FGFR1: variants seen among roughly 807,000 people sequenced by gnomAD.
FGFR1 encodes FGFR1/PLAG1 fusion.
Under a neutral mutation model 93.7 loss-of-function variants are expected in FGFR1, and 18 were observed. The observed-to-expected ratio is 0.19, with a 90% CI of 0.13 to 0.28. The LOEUF (loss-of-function observed/expected upper bound fraction) is 0.28, where lower values mean the gene tolerates loss of function less well. Among genes scored for constraint, FGFR1 ranks in the 10% least tolerant of loss-of-function variants. The probability of loss-of-function intolerance (pLI) is 1.00; values close to 1 mark genes in which losing one functional copy is unlikely to be tolerated. For missense variants in FGFR1, 731 were observed against 1,080.4 expected (o/e 0.68, Z 4.53); for synonymous variants, 448 against 429.3 (o/e 1.04, Z -0.54).
At chr8:38,446,826 T>C (rs1442383075) in intron 2 of FGFR1, among the ~76,000 whole-genome samples, 1 of 152,178 alleles carries the variant, frequency 6.6e-6, no homozygotes, top group Non-Finnish European at 1.5e-5. Context: ...ACATCCATAT[T>C]AGAAGCAATC....
chr8:38,451,337 G>C (rs1361939234), intron 2 of FGFR1, among the ~76,000 whole-genome samples: 3 of 151,326 alleles, frequency 2.0e-5, no homozygotes, highest in Non-Finnish European at 4.4e-5. Context: ...CTACAGGTCT[G>C]ATAGTGGAAC....
chr8:38,432,190 T>G (rs1823397534), intron 2 of FGFR1, among the ~76,000 whole-genome samples: 1 of 152,070 alleles, frequency 6.6e-6, no homozygotes, highest in Non-Finnish European at 1.5e-5. Flanking sequence ...AAAGGAACAC[T>G]GGCCCTGGTG....
At chr8:38,457,716 G>A (rs534508676) in intron 1 of FGFR1, among the ~76,000 whole-genome samples, 182 bp from the exon 2 acceptor site, 36 of 152,294 alleles carry the variant, frequency 2.4e-4, no homozygotes, top group African/African-American at 8.4e-4. Context: ...GCTGGGTGTG[G>A]TGGTGCACCC....
At chr8:38,467,540 A>C (rs1586833671) in intron 1 of FGFR1, 2 of 233,958 alleles carry the variant, frequency 8.5e-6, no homozygotes, top group Non-Finnish European at 1.7e-5. Flanking sequence ...AAAGACATGG[A>C]GTGGAATGCA....
rs56196259 is a variant in FGFR1 at position 38,442,192 on chromosome 8, G to A, written c.92-12244C>T. On this transcript the variant is annotated intron_variant, in intron 2 of 17. Coordinates refer to ENST00000447712, the MANE Select transcript of FGFR1 (RefSeq NM_023110.3). ...AGGATCTGGTAAGGACCACTTAGGTGGACTGTAAGTTGGGGGGATCTAAAC... is the reference window on the plus strand; with the variant it reads ...AGGATCTGGTAAGGACCACTTAGGTAGACTGTAAGTTGGGGGGATCTAAAC... 7.4e-3 allele frequency among the ~76,000 whole-genome samples: 1,121 copies of A among 152,248 alleles called. 17 individuals are homozygous for A. The highest frequency in any genetic ancestry group is 0.026 in the African/African-American group (1,066 of 41,522).
intron 2 of FGFR1, among the ~76,000 whole-genome samples, chr8:38,446,235 G>T (rs1829232373): frequency 6.9e-6 from 1 of 144,142 alleles, no homozygotes; most frequent in Non-Finnish European, 1.5e-5. Context: ...TTTTAAAGAG[G>T]AAGTCTTGCT....
chr8:38,460,214 A>G (rs1834052865), intron 1 of FGFR1, among the ~76,000 whole-genome samples: 1 of 152,158 alleles, frequency 6.6e-6, no homozygotes, highest in South Asian at 2.1e-4. Context: ...AGACCCTTGG[A>G]AGCAGACCAC....
Position 38,414,486 on chromosome 8 carries a change from G to A in FGFR1, c.2048+73C>T, listed in dbSNP as rs189541149. The A allele has an allele frequency of 6.4e-6, 10 of 1,570,784 alleles. No individual in the cohort carries two copies. The East Asian group carries it at 2.0e-4, about 32-fold the overall frequency. On this transcript the variant is annotated intron_variant, in intron 15 of 17. Coordinates refer to ENST00000447712, the MANE Select transcript of FGFR1 (RefSeq NM_023110.3). ...CAGAAAGAGGACTCCTCAGTCCAGG[G>A]AGAAAGCAGGACTCTACAGTGCTAG...
chr8:38,428,653 C>G (rs1035858486), intron 3 of FGFR1: 4 of 579,148 alleles, frequency 6.9e-6, no homozygotes, highest in African/African-American at 3.7e-5. Flanking sequence ...TGCCTGGAAG[C>G]CTTCACACTG....
At position 38,413,526 on chromosome 8, in the gene FGFR1, A is replaced by G; in HGVS notation, c.*102T>C. The stretch of plus-strand genomic sequence containing the variant: ...CCCTGGTAGGCAGCCGGCTCCTGCC[A>G]GCAGGAAAGGGGACAGGGACGGACA... On this transcript the variant is annotated 3_prime_UTR_variant, in exon 18 of 18. Coordinates refer to ENST00000447712, the MANE Select transcript of FGFR1 (RefSeq NM_023110.3). The surrounding 1 kb of genome is among the most constrained non-coding windows in gnomAD (Gnocchi z 4.2). 1.5e-6 allele frequency: 2 copies of G among 1,335,842 alleles called. No homozygotes were observed. The highest frequency in any genetic ancestry group is 4.9e-5 in the Admixed American group (2 of 40,848). The allele number at this position is 1,335,842 out of a possible 1,614,324, so 82.7% of individuals were successfully genotyped here.
At chr8:38,446,738 A>G (rs1829418403) in intron 2 of FGFR1, among the ~76,000 whole-genome samples, 1 of 152,144 alleles carries the variant, frequency 6.6e-6, no homozygotes, top group Admixed American at 6.5e-5. Context: ...AAACACTAGT[A>G]GCCTCAAAAA....
chr8:38,452,696 G>T (rs1208352577), intron 2 of FGFR1, among the ~76,000 whole-genome samples: 1 of 152,030 alleles, frequency 6.6e-6, no homozygotes, highest in African/African-American at 2.4e-5. Flanking sequence ...AGCAGCATTG[G>T]CCAGGCATGG....
chr8:38,424,875 G>A lies in FGFR1; in HGVS notation c.746-176C>T, dbSNP rs140036886. 8.5e-4 allele frequency among the ~76,000 whole-genome samples: 130 copies of A among 152,274 alleles called. No homozygotes were observed. In the East Asian group the frequency reaches 0.019, roughly 22 times the overall value. ...GGGGAAAGGGACACCCTCTCTTCAGGCCCTAAGCCATCAGGATCCTCCTCC... is the reference window on the plus strand; with the variant it reads ...GGGGAAAGGGACACCCTCTCTTCAGACCCTAAGCCATCAGGATCCTCCTCC... On this transcript the variant is annotated intron_variant, in intron 6 of 17. Transcript: ENST00000447712. The surrounding 1 kb of genome is among the most constrained non-coding windows in gnomAD (Gnocchi z 4.3).
At chr8:38,443,097 G>C (rs1050333531) in intron 2 of FGFR1, among the ~76,000 whole-genome samples, 1 of 152,234 alleles carries the variant, frequency 6.6e-6, no homozygotes. Context: ...GGCTGGAAGA[G>C]GGGAGAAGGG....
At chr8:38,461,484 T>C (rs1418203975) in intron 1 of FGFR1, among the ~76,000 whole-genome samples, 2 of 152,116 alleles carry the variant, frequency 1.3e-5, no homozygotes, top group Non-Finnish European at 2.9e-5. Context: ...ATTTTCTGTA[T>C]ATTTAATAAA....
chr8:38,463,615 G>GA (rs1834898716), intron 1 of FGFR1, among the ~76,000 whole-genome samples: 1 of 151,288 alleles, frequency 6.6e-6, no homozygotes, highest in Non-Finnish European at 1.5e-5. Flanking sequence ...GTGAATGAAG[G>GA]AAAAAAAAGG....
rs989090345 is a variant in FGFR1, at chr8:38,468,275, G to A, written c.-383C>T. 2 of 228,532 alleles carry A rather than the reference G, an allele frequency of 8.8e-6. No individual in the cohort carries two copies. Among genetic ancestry groups the A allele is most frequent in the Non-Finnish European group, 1.7e-5 (2 of 114,942 alleles). 14.2% of individuals were successfully genotyped at this position (228,532 alleles called of 1,614,324 possible). On this transcript the variant is annotated 5_prime_UTR_variant, in exon 1 of 18. Transcript: ENST00000447712. ...GTGCCCCCCTCCTCCAGAACGCAGC[G>A]GCGGCGCCTCACTTTCCTTGCAGAC...
intron 2 of FGFR1, 97 bp from the exon 3 acceptor site, chr8:38,430,045 A>AC: frequency 5.6e-6 from 7 of 1,260,188 alleles, no homozygotes; most frequent in East Asian, 2.5e-5. Flanking sequence ...TACGCTGGCC[A>AC]CACGGAGCCG....
At chr8:38,419,850 G>T in intron 8 of FGFR1, 115 bp from the exon 9 acceptor site, 1 of 839,326 alleles carries the variant, frequency 1.2e-6, no homozygotes. Context: ...TTAGGGAGAA[G>T]AACCATGGCA....
Sources: gnomAD v4.1 joint callset for allele counts (sites outside exome capture counted in the v4.1 genomes callset) on GRCh38, gnomAD v4.1.1 for gene constraint, Gnocchi (gnomAD v3.1) non-coding constraint, MANE v1.5 for transcripts, NCBI Gene and HGNC (gene_info 2026-07-23, HGNC 2026-07-21) for gene names.